Variants in LTAP1 observed in about 807,000 individuals in gnomAD.
LTAP1 encodes the protein HCV NS5A-transactivated protein 4.
At chr1:154,215,605 A>C in the LTAP1 span, among the ~76,000 whole-genome samples, 2 of 151,668 alleles carry the variant, frequency 1.3e-5, no homozygotes, top group African/African-American at 4.8e-5. Flanking sequence ...CCTCTCAGTT[A>C]CCCAGCAGCA....
At chr1:154,212,850 C>G in the LTAP1 span, 1 of 494,742 alleles carries the variant, frequency 2.0e-6, no homozygotes, top group South Asian at 2.1e-5. Flanking sequence ...TTAGTAGAGA[C>G]AAAAATACAA....
chr1:154,219,493 T>C, the LTAP1 span, among the ~76,000 whole-genome samples: 1 of 152,214 alleles, frequency 6.6e-6, no homozygotes, highest in Non-Finnish European at 1.5e-5. Flanking sequence ...GCTCTTGGGT[T>C]AACCTTAATG....
chr1:154,208,842 C>G, the LTAP1 span, among the ~76,000 whole-genome samples: 3 of 152,144 alleles, frequency 2.0e-5, no homozygotes, highest in Admixed American at 6.5e-5. Context: ...CCTCTGCCTC[C>G]TAGGTTGAAG....
At chr1:154,207,350 CT>C in the LTAP1 span, 16,591 of 1,066,272 alleles carry the variant, frequency 0.016, 1,694 homozygotes, top group African/African-American at 0.22. Flanking sequence ...TGGATACAGT[CT>C]GGGCCTGCTG....
chr1:154,215,021 T>C, the LTAP1 span, among the ~76,000 whole-genome samples: 5 of 151,886 alleles, frequency 3.3e-5, no homozygotes, highest in African/African-American at 7.3e-5. Context: ...ATTTTTCTAT[T>C]CTTAGTAGAG....
the LTAP1 span, chr1:154,208,542 C>T: frequency 1.3e-5 from 2 of 152,170 alleles, no homozygotes; most frequent in Non-Finnish European, 2.9e-5. Flanking sequence ...TTGCCTCTGG[C>T]TCAAGCTTTT....
the LTAP1 span, chr1:154,212,101 C>T: frequency 5.8e-6 from 3 of 516,134 alleles, no homozygotes; most frequent in African/African-American, 3.8e-5. Flanking sequence ...AGATGATCCT[C>T]CCGCCTCGGC....
the LTAP1 span, chr1:154,220,391 T>C: frequency 6.2e-7 from 1 of 1,614,198 alleles, no homozygotes; most frequent in East Asian, 2.2e-5. Context: ...GGAGAGCCAG[T>C]TACTGCCGGA....
At chr1:154,214,487 G>A in the LTAP1 span, 4 of 1,613,680 alleles carry the variant, frequency 2.5e-6, no homozygotes, top group Admixed American at 1.7e-5. Flanking sequence ...AGTTGTAGTA[G>A]TCTAGCATCA....
At chr1:154,220,550 C>T in the LTAP1 span, 1 of 807,864 alleles carries the variant, frequency 1.2e-6, no homozygotes, top group Non-Finnish European at 2.1e-6. Context: ...CCAGACCCGG[C>T]CTGAAAACAT....
chr1:154,212,568 G>A, the LTAP1 span: 19 of 1,614,122 alleles, frequency 1.2e-5, no homozygotes, highest in East Asian at 6.7e-5. Context: ...AGGTAGGAGC[G>A]GAAATTCTTG....
chr1:154,218,517 A>G, the LTAP1 span, among the ~76,000 whole-genome samples: 7 of 152,210 alleles, frequency 4.6e-5, no homozygotes, highest in African/African-American at 1.7e-4. Context: ...TTCATGTACT[A>G]TGTCAGCAAA....
At chr1:154,207,448 C>T in the LTAP1 span, 6 of 1,613,744 alleles carry the variant, frequency 3.7e-6, no homozygotes, top group Non-Finnish European at 4.2e-6. Flanking sequence ...AGTCCTTCAG[C>T]TCCGTCACAG....
chr1:154,210,899 C>T, the LTAP1 span, among the ~76,000 whole-genome samples: 3 of 152,166 alleles, frequency 2.0e-5, no homozygotes, highest in African/African-American at 7.2e-5. Flanking sequence ...GCCATGAATC[C>T]TCTCCTGTGA....
chr1:154,207,380 C>G, the LTAP1 span: 2 of 1,448,110 alleles, frequency 1.4e-6, no homozygotes, highest in South Asian at 1.2e-5. Context: ...GTTCCGAGGG[C>G]GGCCCGGCAA....
the LTAP1 span, among the ~76,000 whole-genome samples, chr1:154,214,203 G>C: frequency 6.6e-6 from 1 of 152,170 alleles, no homozygotes; most frequent in African/African-American, 2.4e-5. Flanking sequence ...CTTGAACAAG[G>C]GGGTGGAGGT....
chr1:154,212,314 A>G, the LTAP1 span: 2 of 1,613,838 alleles, frequency 1.2e-6, no homozygotes, highest in Non-Finnish European at 1.7e-6. Flanking sequence ...TCCCCTCCAA[A>G]CTCACGCAGT....
At chr1:154,213,535 G>A in the LTAP1 span, among the ~76,000 whole-genome samples, 1 of 152,202 alleles carries the variant, frequency 6.6e-6, no homozygotes, top group African/African-American at 2.4e-5. Context: ...AAGCATATAT[G>A]ACAAGTGTTG....
chr1:154,220,047 G>T, the LTAP1 span: 1 of 1,025,562 alleles, frequency 9.8e-7, no homozygotes, highest in Non-Finnish European at 1.4e-6. Flanking sequence ...TCTCAGGAAT[G>T]TTTCAGGGTA....
Sources: gnomAD v4.1 joint callset for allele counts (sites outside exome capture counted in the v4.1 genomes callset) on GRCh38, gnomAD v4.1.1 for gene constraint, MANE v1.5 for transcripts, NCBI Gene and HGNC (gene_info 2026-07-23, HGNC 2026-07-21) for gene names.